Variants in ZSWIM6 observed in about 807,000 individuals in gnomAD.
The protein encoded by ZSWIM6 is zinc finger SWIM domain-containing protein 6.
A neutral mutation model predicts 113.2 loss-of-function variants in ZSWIM6; 9 were observed. The ratio of observed to expected loss-of-function variants is 0.08; its 90% CI spans 0.05 to 0.14. The LOEUF (loss-of-function observed/expected upper bound fraction) is 0.14, where lower values mean the gene tolerates loss of function less well. Among genes scored for constraint, ZSWIM6 ranks in the 10% least tolerant of loss-of-function variants. The pLI is 1.00. For synonymous variants in ZSWIM6, 611 were observed against 606.5 expected (o/e 1.01, Z -0.11); for missense variants, 1,162 against 1,552.2 (o/e 0.75, Z 4.22).
intron 1 of ZSWIM6, among the ~76,000 whole-genome samples, chr5:61,338,185 G>C (rs1331597853): frequency 1.3e-5 from 2 of 150,220 alleles, no homozygotes; most frequent in Non-Finnish European, 3.0e-5. Flanking sequence ...TTGTGGGGGT[G>C]GCAAAGCAGT....
chr5:61,387,614 T>C (rs1238630711), intron 1 of ZSWIM6, among the ~76,000 whole-genome samples: 2 of 152,104 alleles, frequency 1.3e-5, no homozygotes, highest in African/African-American at 4.8e-5. Context: ...CTACTAAAAA[T>C]ACAAAAATTA....
At chr5:61,361,914 T>C (rs1349544831) in intron 1 of ZSWIM6, among the ~76,000 whole-genome samples, 3 of 152,200 alleles carry the variant, frequency 2.0e-5, no homozygotes, top group Non-Finnish European at 4.4e-5. Flanking sequence ...TTGGCACCTT[T>C]AGAACGCTAA....
At chr5:61,392,810 C>A (rs1012455385) in intron 1 of ZSWIM6, among the ~76,000 whole-genome samples, 1 of 151,968 alleles carries the variant, frequency 6.6e-6, no homozygotes, top group Non-Finnish European at 1.5e-5. Context: ...CAGGGTTTCT[C>A]CATGTTGGTC....
At chr5:61,369,272 C>T (rs369535203) in intron 1 of ZSWIM6, among the ~76,000 whole-genome samples, 3 of 152,184 alleles carry the variant, frequency 2.0e-5, no homozygotes, top group African/African-American at 7.2e-5. Flanking sequence ...TCTTATATAA[C>T]ATTTATTTCA....
chr5:61,360,976 C>T (rs1208238202), intron 1 of ZSWIM6, among the ~76,000 whole-genome samples: 1 of 151,894 alleles, frequency 6.6e-6, no homozygotes, highest in Non-Finnish European at 1.5e-5. Context: ...ATAAGAAGCC[C>T]CTTAATGTTA....
At chr5:61,526,025 A>G (rs772293745) in intron 6 of ZSWIM6, 49 bp downstream of exon 6, 32 of 1,542,236 alleles carry the variant, frequency 2.1e-5, no homozygotes, top group Non-Finnish European at 2.7e-5. Flanking sequence ...TTCTTTGTTT[A>G]GTTTCTATAG....
chr5:61,433,925 T>C (rs951742520), intron 1 of ZSWIM6, among the ~76,000 whole-genome samples: 1 of 150,626 alleles, frequency 6.6e-6, no homozygotes, highest in African/African-American at 2.4e-5. Flanking sequence ...AACAATTAAT[T>C]GATGATCATT....
intron 1 of ZSWIM6, among the ~76,000 whole-genome samples, chr5:61,410,032 T>C (rs1283557900): frequency 6.6e-6 from 1 of 152,200 alleles, no homozygotes; most frequent in African/African-American, 2.4e-5. Flanking sequence ...CTTGGACTTA[T>C]TTGTCCTTCA....
intron 1 of ZSWIM6, among the ~76,000 whole-genome samples, chr5:61,444,150 A>G (rs1172764641): frequency 8.0e-6 from 1 of 124,294 alleles, no homozygotes; most frequent in African/African-American, 3.1e-5. Context: ...TCCTGTGTCC[A>G]TGTGTTCTCA....
intron 1 of ZSWIM6, among the ~76,000 whole-genome samples, chr5:61,340,352 A>G (rs1459014064): frequency 1.3e-5 from 2 of 152,110 alleles, no homozygotes; most frequent in Non-Finnish European, 2.9e-5. Context: ...TATGTCTACA[A>G]ATATATATAT....
At chr5:61,542,009 T>C (rs373952363) in intron 13 of ZSWIM6, 44 bp downstream of exon 13, 5 of 1,505,616 alleles carry the variant, frequency 3.3e-6, no homozygotes, top group African/African-American at 1.4e-5. Flanking sequence ...TGCCTCATGG[T>C]AGGATTTAAC....
At chr5:61,371,519 A>G (rs2112068058) in intron 1 of ZSWIM6, among the ~76,000 whole-genome samples, 1 of 152,302 alleles carries the variant, frequency 6.6e-6, no homozygotes, top group Non-Finnish European at 1.5e-5. Flanking sequence ...TGGCGTGGTG[A>G]TTTGTTAGGT....
intron 4 of ZSWIM6, among the ~76,000 whole-genome samples, chr5:61,510,213 G>A (rs1320336397): frequency 6.6e-6 from 1 of 151,766 alleles, no homozygotes; most frequent in Non-Finnish European, 1.5e-5. Context: ...AAGTGTGTGA[G>A]GTGGGGCAAA....
chr5:61,509,620 C>T (rs1379135398), intron 4 of ZSWIM6, among the ~76,000 whole-genome samples: 1 of 152,086 alleles, frequency 6.6e-6, no homozygotes, highest in African/African-American at 2.4e-5. Flanking sequence ...CTCTCTTTGC[C>T]TATAGGCCCA....
At chr5:61,433,064 A>G (rs765250066) in intron 1 of ZSWIM6, among the ~76,000 whole-genome samples, 4 of 152,338 alleles carry the variant, frequency 2.6e-5, no homozygotes, top group Non-Finnish European at 2.9e-5. Context: ...AGCAAGGATA[A>G]TGGCCTGTTA....
At position 61,535,606 on chromosome 5, in the gene ZSWIM6, C is replaced by G; in HGVS notation, c.2368C>G (p.Leu790Val). Residue 790 changes from leucine to valine, a missense_variant, in exon 10 of 14, where the codon CTG becomes GTG. Coordinates refer to ENST00000252744, the MANE Select transcript of ZSWIM6 (RefSeq NM_020928.2). ...HDAELAYKIALRAMRLLVLES... is the reference protein window; with the variant it reads ...HDAELAYKIAVRAMRLLVLES... The stretch of plus-strand genomic sequence containing the variant: ...TGCTGAATTGGCATACAAAATTGCA[C>G]TGAGAGCAATGCGGTATGTATTCAC... The G allele has an allele frequency of 6.4e-7, 1 of 1,551,216 alleles. No homozygotes were observed. The highest frequency in any genetic ancestry group is 8.7e-7 in the Non-Finnish European group (1 of 1,146,692).
At position 61,539,768 on chromosome 5, in the gene ZSWIM6, C is replaced by G. The variant is rs1427340860; in HGVS notation, c.2703+9C>G. 6.5e-7 allele frequency: 1 copy of G among 1,547,164 alleles called. No homozygotes were observed. Among genetic ancestry groups the G allele is most frequent in the Non-Finnish European group, 8.7e-7 (1 of 1,144,536 alleles). ...TGGAGCTGGGCCTGCAGGTACATGA[C>G]TGGTAGTCTTTCCTGGGACATCAAA... On this transcript the variant is annotated intron_variant, in intron 12 of 13. Transcript: ENST00000252744.
intron 1 of ZSWIM6, among the ~76,000 whole-genome samples, chr5:61,456,875 A>G (rs1747214264): frequency 6.6e-6 from 1 of 150,704 alleles, no homozygotes; most frequent in South Asian, 2.1e-4. Context: ...TTGAAGATTA[A>G]ACCTTATCCA....
chr5:61,509,693 C>T lies in ZSWIM6; in HGVS notation c.1334-11570C>T, dbSNP rs184778841. On this transcript the variant is annotated intron_variant, in intron 4 of 13. Coordinates refer to ENST00000252744, the MANE Select transcript of ZSWIM6 (RefSeq NM_020928.2). ...AGGAAAACAAAACACATTTAAAAGT[C>T]GCTTATTGAAACCAAGGGAAAAGGA... Among the ~76,000 whole-genome samples, 129 of 152,112 alleles carry T rather than the reference C, an allele frequency of 8.5e-4. 1 individual carries two copies. Among genetic ancestry groups the T allele is most frequent in the South Asian group, 4.2e-3 (20 of 4,814 alleles).
Sources: allele counts gnomAD v4.1 joint callset (sites outside exome capture counted in the v4.1 genomes callset), GRCh38; gene constraint gnomAD v4.1.1; transcripts MANE v1.5; gene names NCBI Gene and HGNC (gene_info 2026-07-23, HGNC 2026-07-21).